LCORL: variants seen among roughly 807,000 people sequenced by gnomAD.
The protein encoded by LCORL is ligand dependent nuclear receptor corepressor like, also known as ligand-dependent nuclear receptor corepressor-like protein.
LCORL carries 41 observed loss-of-function variants against 141.8 expected under a neutral mutation model. That is an observed-to-expected ratio of 0.29 (90% CI 0.23 to 0.38). The LOEUF is 0.38. Among genes scored for constraint, LCORL ranks in the 10% least tolerant of loss-of-function variants. The pLI is 1.00. For synonymous variants in LCORL, 618 were observed against 694.1 expected, an observed-to-expected ratio of 0.89 and a Z score of 1.72; for missense variants, 1,759 against 2,035.0, an observed-to-expected ratio of 0.86 and a Z score of 2.61.
exon 8 of LCORL, chr4:17,841,898 T>TAA (rs1722446706): frequency 6.4e-6 from 1 of 155,402 alleles, no homozygotes; most frequent in Non-Finnish European, 1.4e-5. Flanking sequence ...AAAAAGTTGT[T>TAA]TCTTTAGCAC....
chr4:18,021,870 G>A lies in LCORL; in HGVS notation c.-119C>T, dbSNP rs1002581727. The A allele has an allele frequency of 1.7e-6, 2 of 1,154,582 alleles. No homozygotes were observed. The highest frequency in any genetic ancestry group is 2.3e-6 in the Non-Finnish European group (2 of 864,762). The allele number at this position is 1,154,582 out of a possible 1,614,324, so 71.5% of individuals were successfully genotyped here. On this transcript the variant is annotated 5_prime_UTR_variant, in exon 1 of 8. Transcript: ENST00000635767. The surrounding 1 kb of genome is among the most constrained non-coding windows in gnomAD (Gnocchi z 5.5). ...CCCCCGGAGGGGGGTTGATTGACAC[G>A]TGTCACTACCTTCCCTCTGCCCTGC...
At chr4:17,912,452 G>T in intron 4 of LCORL, 3 of 575,064 alleles carry the variant, frequency 5.2e-6, no homozygotes, top group East Asian at 4.2e-5. Context: ...GCAGACATCT[G>T]GGCCCAATAC....
intron 1 of LCORL, among the ~76,000 whole-genome samples, chr4:17,993,189 ATATTT>A (rs1459255096): frequency 2.0e-5 from 3 of 152,136 alleles, no homozygotes; most frequent in African/African-American, 7.2e-5. Context: ...GTAGCTGAGA[ATATTT>A]TATTTAGTTT....
At chr4:17,860,052 T>C (rs961377893) in intron 7 of LCORL, among the ~76,000 whole-genome samples, 2 of 152,298 alleles carry the variant, frequency 1.3e-5, no homozygotes, top group East Asian at 1.9e-4. Flanking sequence ...AAAATCAATA[T>C]TGGGCCATAT....
At chr4:17,896,773 T>C (rs1729996337) in intron 5 of LCORL, among the ~76,000 whole-genome samples, 1 of 152,216 alleles carries the variant, frequency 6.6e-6, no homozygotes, top group Admixed American at 6.5e-5. Context: ...ATTAAACTGT[T>C]ATTGACTACA....
chr4:17,980,136 T>G (rs554978223), intron 1 of LCORL, among the ~76,000 whole-genome samples: 38 of 152,320 alleles, frequency 2.5e-4, no homozygotes, highest in African/African-American at 7.9e-4. Context: ...TATAAGATAC[T>G]AAATTTGTCA....
At chr4:17,944,261 T>C (rs1241981316) in intron 4 of LCORL, among the ~76,000 whole-genome samples, 1 of 152,206 alleles carries the variant, frequency 6.6e-6, no homozygotes, top group Non-Finnish European at 1.5e-5. Flanking sequence ...TTATTGACTA[T>C]AGACCCCTGT....
exon 8 of LCORL, chr4:17,843,656 G>A: frequency 3.0e-6 from 1 of 331,348 alleles, no homozygotes; most frequent in Non-Finnish European, 5.7e-6. Context: ...ATCTGAGGTG[G>A]GCCTAGGAAT....
chr4:17,951,369 G>T (rs1009076291), intron 4 of LCORL, among the ~76,000 whole-genome samples: 2 of 152,086 alleles, frequency 1.3e-5, no homozygotes, highest in Admixed American at 1.3e-4. Context: ...ATTTTAGATT[G>T]TTCTTTAGAG....
chr4:18,011,476 T>C (rs1233164536), intron 1 of LCORL, among the ~76,000 whole-genome samples: 1 of 152,036 alleles, frequency 6.6e-6, no homozygotes, highest in African/African-American at 2.4e-5. Context: ...TTCCTCCTTG[T>C]AGAAGCTATA....
intron 1 of LCORL, among the ~76,000 whole-genome samples, chr4:17,980,362 G>T (rs1010919034): frequency 2.6e-5 from 4 of 152,154 alleles, no homozygotes; most frequent in Middle Eastern, 3.2e-3. Flanking sequence ...CTGGAGAAAG[G>T]CAAGATGATT....
At chr4:17,887,500 T>C (rs1044562865) in intron 5 of LCORL, among the ~76,000 whole-genome samples, 4 of 152,102 alleles carry the variant, frequency 2.6e-5, no homozygotes, top group Admixed American at 2.0e-4. Flanking sequence ...TGGGAGAACG[T>C]TTCCAAAAGA....
At chr4:17,935,817 CAAT>C (rs1736759660) in intron 4 of LCORL, among the ~76,000 whole-genome samples, 1 of 152,002 alleles carries the variant, frequency 6.6e-6, no homozygotes. Context: ...CTGACACAAT[CAAT>C]AAATTTTTAG....
intron 4 of LCORL, among the ~76,000 whole-genome samples, chr4:17,928,896 T>C (rs1228212347): frequency 1.3e-5 from 2 of 152,076 alleles, no homozygotes; most frequent in African/African-American, 2.4e-5. Context: ...ATACATAAAT[T>C]TCTAAGGAAT....
chr4:17,983,521 G>T (rs1361710873), intron 1 of LCORL, among the ~76,000 whole-genome samples: 12 of 152,018 alleles, frequency 7.9e-5, no homozygotes. Flanking sequence ...TATTCTTTTT[G>T]TGGCAACTGT....
chr4:17,984,036 T>C (rs999788699), intron 1 of LCORL, among the ~76,000 whole-genome samples: 2 of 152,194 alleles, frequency 1.3e-5, no homozygotes, highest in African/African-American at 4.8e-5. Context: ...ATGTGGTTTT[T>C]TGTCCTTAGT....
intron 1 of LCORL, among the ~76,000 whole-genome samples, chr4:18,014,290 G>A (rs1228507679): frequency 6.6e-6 from 1 of 151,968 alleles, no homozygotes; most frequent in African/African-American, 2.4e-5. Flanking sequence ...GATAAACATG[G>A]CTGGCAGCTT....
At chr4:17,894,920 A>G (rs2109267045) in intron 5 of LCORL, among the ~76,000 whole-genome samples, 1 of 152,054 alleles carries the variant, frequency 6.6e-6, no homozygotes, top group South Asian at 2.1e-4. Flanking sequence ...ATTTTCAATG[A>G]TGCTCAAGTG....
chr4:17,927,068 A>C (rs1200054390), intron 4 of LCORL, among the ~76,000 whole-genome samples: 1 of 152,220 alleles, frequency 6.6e-6, no homozygotes, highest in Admixed American at 6.5e-5. Context: ...TGTTTGGTAC[A>C]GCCACCTTCA....
Sources: gnomAD v4.1 joint callset for allele counts (sites outside exome capture counted in the v4.1 genomes callset) on GRCh38, gnomAD v4.1.1 for gene constraint, Gnocchi (gnomAD v3.1) non-coding constraint, MANE v1.5 for transcripts, NCBI Gene and HGNC (gene_info 2026-07-23, HGNC 2026-07-21) for gene names.